The following BCL9L variants were observed in gnomAD, a reference collection of about 807,000 sequenced individuals.
BCL9L encodes the protein BCL9 like.
BCL9L carries 19 observed loss-of-function variants against 99.4 expected under a neutral mutation model. That is an observed-to-expected ratio of 0.19 (90% CI 0.13 to 0.28). BCL9L has a LOEUF of 0.28. Among genes scored for constraint, BCL9L ranks in the 10% least tolerant of loss-of-function variants. The pLI is 1.00. For synonymous variants in BCL9L, 900 were observed against 854.8 expected (o/e 1.05, Z -0.92); for missense variants, 2,023 against 2,101.6 (o/e 0.96, Z 0.73).
chr11:118,919,645 C>T (rs558735490), intron 1 of BCL9L, among the ~76,000 whole-genome samples: 29 of 152,116 alleles, frequency 1.9e-4, no homozygotes, highest in Middle Eastern at 6.8e-3. Flanking sequence ...CTGCACTGGG[C>T]GGGGGGTGTC....
rs1014089256 is a variant in BCL9L at position 118,921,790 on chromosome 11, G to A, written c.-130-2911C>T. 7.9e-5 allele frequency among the ~76,000 whole-genome samples: 12 copies of A among 152,086 alleles called. 1 individual carries two copies. Among genetic ancestry groups the A allele is most frequent in the Admixed American group, 7.2e-4 (11 of 15,276 alleles). ...TGTCTGTGTCCTTTCCCCTACTCCT[G>A]GGCAGTGGTGACCACCTTCTCCCCT... On this transcript the variant is annotated intron_variant, in intron 1 of 9. Coordinates refer to ENST00000683865, the MANE Select transcript of BCL9L (RefSeq NM_001378213.1). The surrounding 1 kb of genome is among the most constrained non-coding windows in gnomAD (Gnocchi z 5.4).
In BCL9L at chr11:118,898,869, G is replaced by A. The variant is rs201083704; in HGVS notation, c.4046C>T (p.Pro1349Leu). ...CAGATTAGGGGGCTGAGCCTTGGGG[G>A]GCTGGTTCTCGCTCTTGGGGAAGTA... Reference protein sequence around the residue: ...LQYFPKSENQPPKAQPPNLHL... With the variant: ...LQYFPKSENQLPKAQPPNLHL... Residue 1349 changes from proline to leucine, a missense_variant, in exon 10 of 10, where the codon CCC becomes CTC. By Grantham distance (98) the Pro-to-Leu change is moderately conservative. Coordinates refer to ENST00000683865, the MANE Select transcript of BCL9L (RefSeq NM_001378213.1). 1.3e-4 allele frequency: 209 copies of A among 1,614,052 alleles called. 1 individual carries two copies. In the Admixed American group the frequency reaches 3.4e-3, roughly 27 times the overall value.
intron 1 of BCL9L, among the ~76,000 whole-genome samples, chr11:118,919,622 T>C (rs1255671732): frequency 3.3e-5 from 5 of 151,984 alleles, no homozygotes; most frequent in Non-Finnish European, 7.4e-5. Flanking sequence ...TAACCACCCC[T>C]CCCTCTCTCT....
At chr11:118,905,395 G>A (rs1940466664) in intron 5 of BCL9L, among the ~76,000 whole-genome samples, 5 of 151,746 alleles carry the variant, frequency 3.3e-5, no homozygotes, top group Admixed American at 2.6e-4. Context: ...TGTAATCCCA[G>A]CTACTTGGGA....
At chr11:118,913,368 C>T (rs1312350846) in intron 2 of BCL9L, among the ~76,000 whole-genome samples, 2 of 152,120 alleles carry the variant, frequency 1.3e-5, no homozygotes, top group African/African-American at 2.4e-5. Flanking sequence ...GCGGTTTTGC[C>T]CATTCTGGCC....
In BCL9L at chr11:118,897,599, T is replaced by C. The variant is rs1939966814; in HGVS notation, c.*816A>G. The stretch of plus-strand genomic sequence containing the variant: ...GACCTCAGTTTAGGAGTGGGTCATT[T>C]ACGTCATCTTACCATTTGGGGACGA... On this transcript the variant is annotated 3_prime_UTR_variant, in exon 10 of 10. Coordinates refer to ENST00000683865, the MANE Select transcript of BCL9L (RefSeq NM_001378213.1). 2 of 362,324 alleles carry C rather than the reference T, an allele frequency of 5.5e-6. No homozygotes were observed. The highest frequency in any genetic ancestry group is 1.1e-5 in the Non-Finnish European group (2 of 184,202). The allele number at this position is 362,324 out of a possible 1,614,324, so 22.4% of individuals were successfully genotyped here. A position where few individuals can be genotyped will look rare whatever the true frequency, so the allele number is the denominator to read the frequency against.
rs766029932 is a variant in BCL9L, at chr11:118,902,810, G to A, written c.933C>T (p.Pro311=). 1.3e-6 allele frequency: 2 copies of A among 1,553,684 alleles called. No homozygotes were observed. Among genetic ancestry groups the A allele is most frequent in the East Asian group, 2.3e-5 (1 of 44,160 alleles). Residue 311 remains proline, a synonymous_variant, in exon 8 of 10, where the codon CCC becomes CCT. Coordinates refer to ENST00000683865, the MANE Select transcript of BCL9L (RefSeq NM_001378213.1). The surrounding 1 kb of genome is among the most constrained non-coding windows in gnomAD (Gnocchi z 7.8). ...SQPPPLPPPP[P]PAPGSAPPAL... is the part of the protein sequence containing the mutation. ...CAGGCGGGGCACTGCCAGGGGCCGG[G>A]GGTGGCGGCGGCGGCAGTGGAGGTG...
intron 5 of BCL9L, among the ~76,000 whole-genome samples, chr11:118,905,974 C>G (rs765064800): frequency 9.9e-5 from 15 of 152,096 alleles, no homozygotes; most frequent in Non-Finnish European, 2.1e-4. Flanking sequence ...TTTGGGAGGC[C>G]AAGGCATGAG....
At chr11:118,909,392 AGCC>A (rs1940681713) in intron 3 of BCL9L, among the ~76,000 whole-genome samples, 2 of 152,172 alleles carry the variant, frequency 1.3e-5, no homozygotes, top group Admixed American at 6.5e-5. Flanking sequence ...ACCTATTAAT[AGCC>A]GCTGGAAAGA....
Position 118,897,653 on chromosome 11 carries a change from G to A in BCL9L, c.*762C>T, listed in dbSNP as rs774354710. 3 of 393,834 alleles carry A rather than the reference G, an allele frequency of 7.6e-6. No individual in the cohort carries two copies. Among genetic ancestry groups the A allele is most frequent in the African/African-American group, 6.3e-5 (3 of 47,350 alleles). The allele number at this position is 393,834 out of a possible 1,614,324, so 24.4% of individuals were successfully genotyped here. On this transcript the variant is annotated 3_prime_UTR_variant, in exon 10 of 10. Transcript: ENST00000683865. ...AGGAATGGTATCCCTTAGGGACCCA[G>A]AGACACTGCAAACAGTGGGTGGCCA...
Position 118,900,499 on chromosome 11 carries a change from C to G in BCL9L, c.3124+120G>C. The G allele has an allele frequency of 6.9e-7, 1 of 1,449,418 alleles. No homozygotes were observed. The highest frequency in any genetic ancestry group is 9.1e-7 in the Non-Finnish European group (1 of 1,102,878). The allele number at this position is 1,449,418 out of a possible 1,614,324, so 89.8% of individuals were successfully genotyped here. A position where few individuals can be genotyped will look rare whatever the true frequency, so the allele number is the denominator to read the frequency against. On this transcript the variant is annotated intron_variant, in intron 8 of 9. Transcript: ENST00000683865. The surrounding 1 kb of genome is among the most constrained non-coding windows in gnomAD (Gnocchi z 5.3). Reference sequence around the variant, plus strand: ...GTCATCATCTGCCCCATAAGCAGAGCCATCCACCTCTGGGCCCGTGGTACA... The same window carrying G: ...GTCATCATCTGCCCCATAAGCAGAGGCATCCACCTCTGGGCCCGTGGTACA...
rs561163109 is a variant in BCL9L, at chr11:118,903,298, C to T, written c.687G>A (p.Gly229=). ...GCGAGGGAGGCTTTCCGGGGACGCC[C>T]CCGCCCCCGCCCCCGCCCCCAGGGG... ...PDAPGGGGGG[G]GVPGKPPSQF... Residue 229 remains glycine (G), a synonymous_variant, in exon 6 of 10, where the codon GGG becomes GGA. Coordinates refer to ENST00000683865, the MANE Select transcript of BCL9L (RefSeq NM_001378213.1). The surrounding 1 kb of genome is among the most constrained non-coding windows in gnomAD (Gnocchi z 5.6). The T allele has an allele frequency of 5.1e-6, 8 of 1,562,500 alleles. No homozygotes were observed. Among genetic ancestry groups the T allele is most frequent in the Middle Eastern group, 2.2e-4 (1 of 4,492 alleles).
Position 118,902,297 on chromosome 11 carries a change from G to A in BCL9L, c.1446C>T (p.Pro482=), listed in dbSNP as rs1940287104. The change falls in exon 8 of 10, where the codon CCC becomes CCT. Residue 482 remains proline (P), a synonymous_variant. Transcript: ENST00000683865. The surrounding 1 kb of genome is among the most constrained non-coding windows in gnomAD (Gnocchi z 7.8). ...MISQTQSLGG[P]PLEHEVPGHP... is the part of the protein sequence containing the mutation. ...GCCCAGGCACTTCATGCTCCAGCGG[G>A]GGGCCCCCTAGGCTCTGTGTCTGTG... 4 of 1,578,338 alleles carry A rather than the reference G, an allele frequency of 2.5e-6. No homozygotes were observed. Among genetic ancestry groups the A allele is most frequent in the Non-Finnish European group, 3.4e-6 (4 of 1,161,080 alleles).
chr11:118,911,975 A>G (rs1940812631), intron 2 of BCL9L, among the ~76,000 whole-genome samples: 1 of 152,256 alleles, frequency 6.6e-6, no homozygotes, highest in South Asian at 2.1e-4. Context: ...GTTCAGGCCT[A>G]GGCTCCTCCC....
At chr11:118,915,436 A>G (rs1478265155) in intron 2 of BCL9L, among the ~76,000 whole-genome samples, 1 of 152,200 alleles carries the variant, frequency 6.6e-6, no homozygotes, top group African/African-American at 2.4e-5. Context: ...GTCCAAGAGA[A>G]CAGGGCCTGT....
rs1331184253 is a variant in BCL9L, at chr11:118,898,861, C to G, written c.4054G>C (p.Ala1352Pro). ...FPKSENQPPK[A>P]QPPNLHLMNL... is the part of the protein sequence containing the mutation. ...ATGAGATGCAGATTAGGGGGCTGAG[C>G]CTTGGGGGGCTGGTTCTCGCTCTTG... is the stretch of plus-strand genomic sequence containing the variant. The change falls in exon 10 of 10, where the codon GCT becomes CCT. Residue 1352 changes from alanine to proline, a missense_variant. By Grantham distance (27) the Ala-to-Pro change is conservative. Around this residue, in one of 3 missense-constraint regions of BCL9L, gnomAD observed 902 missense variants for 888.2 expected, o/e 1.02. Coordinates refer to ENST00000683865, the MANE Select transcript of BCL9L (RefSeq NM_001378213.1). The G allele has an allele frequency of 6.2e-7, 1 of 1,614,014 alleles. No individual in the cohort carries two copies. Among genetic ancestry groups the G allele is most frequent in the African/African-American group, 1.3e-5 (1 of 75,014 alleles).
chr11:118,919,115 C>CCG (rs1941068505), intron 1 of BCL9L, among the ~76,000 whole-genome samples: 3 of 19,968 alleles, frequency 1.5e-4, no homozygotes, highest in African/African-American at 2.3e-4. Flanking sequence ...CCCCCCCCCC[C>CCG]CCGACCCCCC....
chr11:118,919,513 G>A (rs566497462), intron 1 of BCL9L, among the ~76,000 whole-genome samples: 107 of 152,156 alleles, frequency 7.0e-4, no homozygotes, highest in African/African-American at 1.1e-3. Flanking sequence ...CACAGCAGGC[G>A]GGAGAGAGGC....
At chr11:118,908,882 C>T (rs1035391013) in intron 3 of BCL9L, among the ~76,000 whole-genome samples, 6 of 152,122 alleles carry the variant, frequency 3.9e-5, no homozygotes, top group Non-Finnish European at 8.8e-5. Flanking sequence ...ACCCTCCACC[C>T]CCTAGCCTCC....
Sources: gnomAD v4.1 joint callset for allele counts (sites outside exome capture counted in the v4.1 genomes callset) on GRCh38, gnomAD v4.1.1 for gene constraint, gnomAD v4.1.1 regional missense constraint, Gnocchi (gnomAD v3.1) non-coding constraint, MANE v1.5 for transcripts, NCBI Gene and HGNC (gene_info 2026-07-23, HGNC 2026-07-21) for gene names.